Variants in CD2AP observed in about 807,000 individuals in gnomAD.
CD2AP encodes CD2 associated protein, also known as CD2-associated protein.
A neutral mutation model predicts 85.1 loss-of-function variants in CD2AP; 46 were observed. The ratio of observed to expected loss-of-function variants is 0.54; its 90% CI spans 0.43 to 0.69. The LOEUF (loss-of-function observed/expected upper bound fraction) is 0.69. Among genes scored for constraint, CD2AP ranks in the 30% least tolerant of loss-of-function variants. The pLI is 0.00. For missense variants in CD2AP, 769 were observed against 729.5 expected, an observed-to-expected ratio of 1.05 and a Z score of -0.62; for synonymous variants, 255 against 252.9, an observed-to-expected ratio of 1.01 and a Z score of -0.08.
intron 5 of CD2AP, among the ~76,000 whole-genome samples, chr6:47,562,298 A>G (rs1767884025): frequency 6.6e-6 from 1 of 152,180 alleles, no homozygotes; most frequent in African/African-American, 2.4e-5. Flanking sequence ...GATGTAAAAG[A>G]CACCTCTTGG....
In CD2AP at chr6:47,506,761, C is replaced by T. The variant is rs143305290; in HGVS notation, c.165+3321C>T. ...CAGCAGTACAGTCCAGCTTCGGCTC[C>T]GCATGAGAGGGAGACCGTGGGGAGA... On this transcript the variant is annotated intron_variant, in intron 2 of 17. Coordinates refer to ENST00000359314, the MANE Select transcript of CD2AP (RefSeq NM_012120.3). Among the ~76,000 whole-genome samples the T allele has an allele frequency of 7.5e-3, 1,073 of 143,318 alleles. 17 individuals are homozygous for T. The highest frequency in any genetic ancestry group is 0.026 in the African/African-American group (1,003 of 39,224). 94.0% of individuals were successfully genotyped at this position (143,318 alleles called of 152,430 possible).
intron 4 of CD2AP, among the ~76,000 whole-genome samples, chr6:47,549,837 G>T (rs1163005125): frequency 6.6e-6 from 1 of 152,146 alleles, no homozygotes; most frequent in Non-Finnish European, 1.5e-5. Flanking sequence ...CACCAAAACA[G>T]CATGGTACTG....
intron 4 of CD2AP, among the ~76,000 whole-genome samples, chr6:47,552,581 A>G (rs1767555647): frequency 6.6e-6 from 1 of 152,106 alleles, no homozygotes; most frequent in Non-Finnish European, 1.5e-5. Context: ...GGCGGGTTCT[A>G]TATTTTTGCA....
At chr6:47,602,406 G>A (rs1769165022) in intron 13 of CD2AP, among the ~76,000 whole-genome samples, 1 of 151,832 alleles carries the variant, frequency 6.6e-6, no homozygotes, top group Non-Finnish European at 1.5e-5. Flanking sequence ...TAATAATAAA[G>A]CTTGTGTGGT....
chr6:47,518,457 TTAA>T (rs1483577542), intron 2 of CD2AP, among the ~76,000 whole-genome samples: 8 of 152,266 alleles, frequency 5.3e-5, no homozygotes, highest in Non-Finnish European at 5.9e-5. Flanking sequence ...TTTAGTATAA[TTAA>T]TAATGATTGG....
chr6:47,585,815 C>T (rs1368357225), intron 11 of CD2AP, among the ~76,000 whole-genome samples: 1 of 152,150 alleles, frequency 6.6e-6, no homozygotes, highest in Non-Finnish European at 1.5e-5. Flanking sequence ...TTCATTTTTC[C>T]ATGAGCCAGA....
chr6:47,529,329 G>T (rs1213182540), intron 2 of CD2AP, among the ~76,000 whole-genome samples: 1 of 152,108 alleles, frequency 6.6e-6, no homozygotes, highest in African/African-American at 2.4e-5. Context: ...TGTCTGTGGA[G>T]TTTGCATATT....
intron 2 of CD2AP, among the ~76,000 whole-genome samples, chr6:47,509,426 C>A (rs998125290): frequency 3.8e-5 from 5 of 130,364 alleles, no homozygotes; most frequent in African/African-American, 1.1e-4. Context: ...GTTGCACAGA[C>A]CTTCAATTTG....
At position 47,627,007 on chromosome 6, in the gene CD2AP, C is replaced by T. The variant is rs905356522; in HGVS notation, c.*2780C>T. 1 of 152,240 alleles carries T rather than the reference C, an allele frequency of 6.6e-6. No homozygotes were observed. Among genetic ancestry groups the T allele is most frequent in the African/African-American group, 2.4e-5 (1 of 41,368 alleles). 9.4% of individuals were successfully genotyped at this position (152,240 alleles called of 1,614,324 possible). On this transcript the variant is annotated 3_prime_UTR_variant, in exon 18 of 18. Coordinates refer to ENST00000359314, the MANE Select transcript of CD2AP (RefSeq NM_012120.3). ...TTACGTAATGCAGTTGATGTTGTAA[C>T]CTAACATTCCAAAAAAAAAATTGAG...
intron 5 of CD2AP, among the ~76,000 whole-genome samples, chr6:47,572,504 C>T (rs1365131790): frequency 2.0e-5 from 3 of 152,300 alleles, no homozygotes; most frequent in Non-Finnish European, 4.4e-5. Context: ...TAGGGTAGAT[C>T]ACTATACTTG....
At chr6:47,592,601 A>T (rs1486617330) in intron 11 of CD2AP, among the ~76,000 whole-genome samples, 1 of 152,096 alleles carries the variant, frequency 6.6e-6, no homozygotes, top group East Asian at 1.9e-4. Context: ...ACCACGTCTG[A>T]GTTTATATTA....
intron 11 of CD2AP, among the ~76,000 whole-genome samples, chr6:47,583,442 C>T (rs1235113349): frequency 3.9e-5 from 6 of 152,158 alleles, no homozygotes; most frequent in African/African-American, 1.4e-4. Context: ...TCCCTTCAAC[C>T]CTTGTCAACC....
At chr6:47,517,198 G>A (rs950088664) in intron 2 of CD2AP, among the ~76,000 whole-genome samples, 2 of 152,022 alleles carry the variant, frequency 1.3e-5, no homozygotes, top group Non-Finnish European at 2.9e-5. Flanking sequence ...CTTCTGCCAT[G>A]ATTGGAAGCT....
At chr6:47,589,769 T>A (rs932006741) in intron 11 of CD2AP, among the ~76,000 whole-genome samples, 8 of 151,866 alleles carry the variant, frequency 5.3e-5, no homozygotes, top group African/African-American at 1.9e-4. Context: ...ACTTTTGGGC[T>A]CAAGGAGACA....
intron 11 of CD2AP, among the ~76,000 whole-genome samples, chr6:47,588,286 C>T (rs1036206675): frequency 6.6e-6 from 1 of 152,082 alleles, no homozygotes; most frequent in African/African-American, 2.4e-5. Flanking sequence ...ATATTCTTTA[C>T]CCTGCACTTG....
At chr6:47,619,406 T>G (rs112465552) in intron 17 of CD2AP, among the ~76,000 whole-genome samples, 295 of 152,376 alleles carry the variant, frequency 1.9e-3, no homozygotes, top group African/African-American at 6.9e-3. Flanking sequence ...GTTAATTCAT[T>G]CCTTTTTATG....
chr6:47,570,872 G>A (rs187578936), intron 5 of CD2AP, among the ~76,000 whole-genome samples: 137 of 152,212 alleles, frequency 9.0e-4, no homozygotes, highest in African/African-American at 3.1e-3. Context: ...AATAGCAAAC[G>A]TGGTAGTAAA....
At chr6:47,611,387 G>GA (rs11450292) in intron 16 of CD2AP, among the ~76,000 whole-genome samples, 91,315 of 151,168 alleles carry the variant, frequency 0.6, 28,394 homozygotes, top group Middle Eastern at 0.75. Context: ...AAGAGGGGGG[G>GA]AATAGGATTA....
At chr6:47,523,435 C>T (rs370531782) in intron 2 of CD2AP, among the ~76,000 whole-genome samples, 3 of 152,176 alleles carry the variant, frequency 2.0e-5, no homozygotes, top group South Asian at 2.1e-4. Flanking sequence ...GAGAAAAGAA[C>T]AGATCTCCAT....
Sources: allele counts gnomAD v4.1 joint callset (sites outside exome capture counted in the v4.1 genomes callset), GRCh38; gene constraint gnomAD v4.1.1; transcripts MANE v1.5; gene names NCBI Gene and HGNC (gene_info 2026-07-23, HGNC 2026-07-21).